Variants in FERMT2 observed in about 807,000 individuals in gnomAD.
FERMT2 encodes FERM domain containing kindlin 2.
A neutral mutation model predicts 82.7 loss-of-function variants in FERMT2; 15 were observed. That is an observed-to-expected ratio of 0.18 (90% CI 0.12 to 0.28). FERMT2 has a LOEUF of 0.28. Ranked by LOEUF, FERMT2 falls within the 10% of genes least tolerant of loss-of-function variation. The probability of loss-of-function intolerance (pLI) is 1.00; values close to 1 mark genes in which losing one functional copy is unlikely to be tolerated. For missense variants in FERMT2, 645 were observed against 809.4 expected (o/e 0.80, Z 2.46); for synonymous variants, 274 against 271.5 (o/e 1.01, Z -0.09).
At chr14:52,918,619 T>C (rs1283112753) in intron 3 of FERMT2, among the ~76,000 whole-genome samples, 1 of 152,206 alleles carries the variant, frequency 6.6e-6, no homozygotes, top group African/African-American at 2.4e-5. Context: ...TCATATGACA[T>C]AACTGGGTCA....
At chr14:52,911,310 T>C (rs11851905) in intron 3 of FERMT2, among the ~76,000 whole-genome samples, 4,064 of 152,124 alleles carry the variant, frequency 0.027, 156 homozygotes, top group African/African-American at 0.091. Context: ...TTCTTAACCA[T>C]TAAAAAAATA....
intron 4 of FERMT2, among the ~76,000 whole-genome samples, chr14:52,892,782 A>G (rs1347907160): frequency 6.6e-6 from 1 of 152,196 alleles, no homozygotes. Context: ...GGAATAATGC[A>G]TTAACCAAAT....
chr14:52,950,568 TG>T lies in FERMT2; in HGVS notation c.-1del. ...GGCATCCTTATCCCGTCCAGAGCCATGGCTCCTTCCTGCGAGCGCGGAGGAA... is the reference window on the plus strand; with the variant it reads ...GGCATCCTTATCCCGTCCAGAGCCATGCTCCTTCCTGCGAGCGCGGAGGAA... On this transcript the variant is annotated 5_prime_UTR_variant, in exon 2 of 15. Transcript: ENST00000341590. 6.2e-7 allele frequency: 1 copy of T among 1,612,366 alleles called. No individual in the cohort carries two copies. Among genetic ancestry groups the T allele is most frequent in the Non-Finnish European group, 8.5e-7 (1 of 1,179,254 alleles).
At chr14:52,899,303 G>A (rs1262008218) in intron 3 of FERMT2, among the ~76,000 whole-genome samples, 1 of 151,598 alleles carries the variant, frequency 6.6e-6, no homozygotes, top group Non-Finnish European at 1.5e-5. Flanking sequence ...TTTTTTTTGA[G>A]ACGGAGTCTT....
intron 3 of FERMT2, 89 bp from the exon 4 acceptor site, chr14:52,893,516 G>A (rs1594957678): frequency 3.0e-6 from 3 of 1,011,176 alleles, no homozygotes; most frequent in South Asian, 1.7e-5. Flanking sequence ...ATAAGAATGT[G>A]TAACTTCCTT....
intron 10 of FERMT2, among the ~76,000 whole-genome samples, chr14:52,865,929 A>G (rs903486258): frequency 3.3e-5 from 5 of 152,178 alleles, no homozygotes; most frequent in African/African-American, 1.2e-4. Context: ...TTTCTTTTTA[A>G]AATATTTACT....
At chr14:52,900,022 A>G (rs962100011) in intron 3 of FERMT2, among the ~76,000 whole-genome samples, 7 of 152,224 alleles carry the variant, frequency 4.6e-5, no homozygotes, top group Admixed American at 3.9e-4. Flanking sequence ...TTACATTTCA[A>G]TAAGGATAAG....
chr14:52,903,579 C>A (rs937021367), intron 3 of FERMT2, among the ~76,000 whole-genome samples: 21 of 151,012 alleles, frequency 1.4e-4, no homozygotes, highest in Non-Finnish European at 2.5e-4. Flanking sequence ...AAAAAAAAAA[C>A]ACTACCAGGA....
chr14:52,944,607 G>A (rs1890242271), intron 2 of FERMT2, among the ~76,000 whole-genome samples: 1 of 152,158 alleles, frequency 6.6e-6, no homozygotes, highest in African/African-American at 2.4e-5. Flanking sequence ...CTCAATTAAT[G>A]AAACTTATTT....
At chr14:52,927,726 A>C (rs12878516) in intron 2 of FERMT2, among the ~76,000 whole-genome samples, 84,874 of 151,654 alleles carry the variant, frequency 0.56, 24,385 homozygotes, top group East Asian at 0.71. Context: ...AGTTGATCAA[A>C]TCCCACTCCT....
intron 2 of FERMT2, among the ~76,000 whole-genome samples, chr14:52,933,586 T>A (rs532408471): frequency 1.3e-5 from 2 of 151,460 alleles, no homozygotes; most frequent in African/African-American, 4.8e-5. Context: ...GGCACATGCC[T>A]GTAATCCCAG....
intron 3 of FERMT2, among the ~76,000 whole-genome samples, chr14:52,906,859 C>T (rs949369746): frequency 7.1e-6 from 1 of 141,344 alleles, no homozygotes; most frequent in Non-Finnish European, 1.5e-5. Flanking sequence ...TAAAATCTTC[C>T]AAGGCAGACA....
intron 2 of FERMT2, among the ~76,000 whole-genome samples, chr14:52,921,192 T>A (rs2139645528): frequency 6.6e-6 from 1 of 152,310 alleles, no homozygotes; most frequent in East Asian, 1.9e-4. Flanking sequence ...GAAATTTACT[T>A]GATACGACTG....
intron 12 of FERMT2, chr14:52,860,920 A>C: frequency 1.1e-6 from 1 of 885,652 alleles, no homozygotes; most frequent in Non-Finnish European, 1.8e-6. Context: ...TTTTAAATTT[A>C]AATTTCACTA....
intron 10 of FERMT2, among the ~76,000 whole-genome samples, chr14:52,868,294 C>T (rs1052678236): frequency 6.6e-6 from 1 of 151,650 alleles, no homozygotes; most frequent in African/African-American, 2.4e-5. Flanking sequence ...AATGCTCCCA[C>T]CTCAGCCTCC....
In FERMT2 at chr14:52,919,479, T is replaced by C. The variant is rs1270419900; in HGVS notation, c.158-123A>G. On this transcript the variant is annotated intron_variant, in intron 2 of 14. Transcript: ENST00000341590. ...ATAATTAACTACTAAGTTACTGTTATGTGACAGGTACAAAAGAAACATTAA... is the reference window on the plus strand; with the variant it reads ...ATAATTAACTACTAAGTTACTGTTACGTGACAGGTACAAAAGAAACATTAA... The C allele has an allele frequency of 1.8e-5, 12 of 662,842 alleles. No individual in the cohort carries two copies. The East Asian group carries it at 2.7e-4, about 15-fold the overall frequency. 41.1% of individuals were successfully genotyped at this position (662,842 alleles called of 1,614,324 possible).
At chr14:52,870,620 T>C (rs1263418812) in intron 10 of FERMT2, among the ~76,000 whole-genome samples, 1 of 152,216 alleles carries the variant, frequency 6.6e-6, no homozygotes, top group East Asian at 1.9e-4. Context: ...TTGTCTACAG[T>C]ATTCAGTACA....
At chr14:52,927,124 T>A (rs1889317832) in intron 2 of FERMT2, among the ~76,000 whole-genome samples, 1 of 152,102 alleles carries the variant, frequency 6.6e-6, no homozygotes, top group Non-Finnish European at 1.5e-5. Context: ...CAGAAAGTGG[T>A]CGTACACTTG....
chr14:52,921,708 A>G (rs1888966097), intron 2 of FERMT2, among the ~76,000 whole-genome samples: 2 of 152,154 alleles, frequency 1.3e-5, no homozygotes, highest in African/African-American at 2.4e-5. Context: ...AGCCTCCCTA[A>G]TGTGAAACTC....
Sources: gnomAD v4.1 joint callset for allele counts (sites outside exome capture counted in the v4.1 genomes callset) on GRCh38, gnomAD v4.1.1 for gene constraint, MANE v1.5 for transcripts, NCBI Gene and HGNC (gene_info 2026-07-23, HGNC 2026-07-21) for gene names.